Variants in SERPINB8 observed in about 807,000 individuals in gnomAD.
SERPINB8 encodes serpin family B member 8.
A neutral mutation model predicts 35.3 loss-of-function variants in SERPINB8; 25 were observed. The ratio of observed to expected loss-of-function variants is 0.71; its 90% CI spans 0.52 to 0.99. The LOEUF (loss-of-function observed/expected upper bound fraction) is 0.99, where lower values mean the gene tolerates loss of function less well. Ranked by LOEUF, SERPINB8 falls within the 50% of genes least tolerant of loss-of-function variation. SERPINB8 has a pLI of 0.00. For synonymous variants in SERPINB8, 186 were observed against 160.8 expected, an observed-to-expected ratio of 1.16 and a Z score of -1.19; for missense variants, 484 against 446.5, an observed-to-expected ratio of 1.08 and a Z score of -0.76.
chr18:64,018,315 T>C (rs1055715121), intron 7 of SERPINB8, among the ~76,000 whole-genome samples: 11 of 152,314 alleles, frequency 7.2e-5, no homozygotes, highest in African/African-American at 2.6e-4. Flanking sequence ...AGTTATTGCA[T>C]GCAAGTCTCT....
intron 1 of SERPINB8, among the ~76,000 whole-genome samples, chr18:63,974,548 G>A (rs1002648699): frequency 1.3e-5 from 2 of 152,070 alleles, no homozygotes; most frequent in African/African-American, 4.8e-5. Context: ...TGCCTGAAAA[G>A]GAAAAACTAG....
chr18:63,986,613 T>C, intron 6 of SERPINB8: 1 of 1,324,020 alleles, frequency 7.6e-7, no homozygotes, highest in Non-Finnish European at 9.6e-7. Context: ...TGAAAGGAGT[T>C]AGGTACAAAT....
chr18:64,005,110 G>C, exon 2 of SERPINB8: 2 of 347,696 alleles, frequency 5.8e-6, no homozygotes, highest in Admixed American at 9.4e-5. Flanking sequence ...AAAGGATTTG[G>C]TTATGGTAGT....
chr18:63,999,671 T>G (rs1040560614), intron 1 of SERPINB8, among the ~76,000 whole-genome samples: 1 of 152,216 alleles, frequency 6.6e-6, no homozygotes, highest in Non-Finnish European at 1.5e-5. Flanking sequence ...GTATTCTTTC[T>G]TTTCTAAACA....
At chr18:63,986,549 A>G in intron 6 of SERPINB8, 2 of 1,324,438 alleles carry the variant, frequency 1.5e-6, no homozygotes, top group Non-Finnish European at 1.9e-6. Flanking sequence ...CATGAAGATT[A>G]ATGTAATGAA....
At chr18:63,972,825 T>C (rs981933579) in intron 1 of SERPINB8, among the ~76,000 whole-genome samples, 2 of 152,084 alleles carry the variant, frequency 1.3e-5, no homozygotes, top group Admixed American at 6.5e-5. Flanking sequence ...GAACTCATCG[T>C]TTTTTTATGG....
chr18:63,987,217 T>C lies in SERPINB8; in HGVS notation c.1064T>C (p.Phe355Ser). 1 of 1,614,140 alleles carries C rather than the reference T, an allele frequency of 6.2e-7. No individual in the cohort carries two copies. Among genetic ancestry groups the C allele is most frequent in the Non-Finnish European group, 8.5e-7 (1 of 1,180,016 alleles). Residue 355 changes from phenylalanine to serine, a missense_variant, in exon 7 of 7, where the codon TTC (phenylalanine) becomes TCC (serine). Coordinates refer to ENST00000397985, the MANE Select transcript of SERPINB8 (RefSeq NM_002640.4). ...TTCTGTGCAGACCACCCTTTTCTTT[T>C]CTTCATCAGGCACCACAAAACCAAC... ...PRFCADHPFLFFIRHHKTNCI... is the reference protein window; with the variant it reads ...PRFCADHPFLSFIRHHKTNCI...
chr18:63,992,455 G>A (rs574484243), downstream of SERPINB8, among the ~76,000 whole-genome samples: 2 of 152,076 alleles, frequency 1.3e-5, no homozygotes, highest in Admixed American at 6.5e-5. Context: ...TAATACCATC[G>A]CTCTCATTTC....
chr18:63,991,983 A>C (rs181106850), downstream of SERPINB8, among the ~76,000 whole-genome samples: 3 of 151,882 alleles, frequency 2.0e-5, no homozygotes, highest in Non-Finnish European at 4.4e-5. Context: ...ACTGGGAGAA[A>C]CTCCACTTGG....
chr18:63,970,358 G>A, intron 1 of SERPINB8, 188 bp downstream of exon 1: 1 of 175,048 alleles, frequency 5.7e-6, no homozygotes, highest in South Asian at 9.7e-5. Flanking sequence ...AGAGAGTCGC[G>A]GGGCTGTGGG....
chr18:63,980,160 C>T (rs1302388024), intron 3 of SERPINB8, among the ~76,000 whole-genome samples: 1 of 152,098 alleles, frequency 6.6e-6, no homozygotes, highest in Non-Finnish European at 1.5e-5. Context: ...TTCTCCTGCA[C>T]GCAGCCCTGC....
chr18:63,986,330 A>C, intron 6 of SERPINB8: 1 of 1,603,758 alleles, frequency 6.2e-7, no homozygotes, highest in Non-Finnish European at 8.5e-7. Context: ...ATGCTGATGA[A>C]GTCTTCTTGC....
rs769731943 is a variant in SERPINB8 at position 64,018,643 on chromosome 18, C to T, written c.*3-267C>T. On this transcript the variant is annotated intron_variant, in intron 7 of 7. Transcript: ENST00000636430. ...TTACTGTTTTGCAGATAAATTTTAACGACTCTTATGAGGCAGAGGGCAAAT... is the reference window on the plus strand; with the variant it reads ...TTACTGTTTTGCAGATAAATTTTAATGACTCTTATGAGGCAGAGGGCAAAT... Among the ~76,000 whole-genome samples the T allele has an allele frequency of 4.6e-5, 7 of 152,178 alleles. 1 individual carries two copies. Among genetic ancestry groups the T allele is most frequent in the Non-Finnish European group, 4.4e-5 (3 of 67,982 alleles).
chr18:63,987,480 G>A lies in SERPINB8; in HGVS notation c.*202G>A, dbSNP rs1379158506. The A allele has an allele frequency of 1.5e-5, 9 of 589,430 alleles. No homozygotes were observed. The highest frequency in any genetic ancestry group is 2.6e-5 in the Non-Finnish European group (9 of 343,298). 36.5% of individuals were successfully genotyped at this position (589,430 alleles called of 1,614,324 possible). A position where few individuals can be genotyped will look rare whatever the true frequency, so the allele number is the denominator to read the frequency against. On this transcript the variant is annotated 3_prime_UTR_variant, in exon 7 of 7. Coordinates refer to ENST00000397985, the MANE Select transcript of SERPINB8 (RefSeq NM_002640.4). Reference sequence around the variant, plus strand: ...GATGCATGAAATTTGGGCCTGGGAAGGCTATGCTGGTTTTGGAGTGTTTGG... The same window carrying A: ...GATGCATGAAATTTGGGCCTGGGAAAGCTATGCTGGTTTTGGAGTGTTTGG...
At chr18:63,975,318 C>T (rs904252257) in intron 1 of SERPINB8, among the ~76,000 whole-genome samples, 2 of 152,168 alleles carry the variant, frequency 1.3e-5, no homozygotes, top group African/African-American at 4.8e-5. Flanking sequence ...AATATTCCTT[C>T]CTGCCTCCCA....
exon 2 of SERPINB8, chr18:64,005,124 C>T: frequency 3.0e-6 from 1 of 331,644 alleles, no homozygotes; most frequent in Non-Finnish European, 5.4e-6. Context: ...TGGTAGTTAT[C>T]AAGACATTCA....
intron 1 of SERPINB8, among the ~76,000 whole-genome samples, chr18:63,996,420 G>C (rs1346252106): frequency 2.6e-5 from 4 of 152,198 alleles, no homozygotes; most frequent in Non-Finnish European, 4.4e-5. Flanking sequence ...CTTGGTATGG[G>C]ACAGTTGATA....
rs764526390 is a variant in SERPINB8, at chr18:63,986,251, T to C, written c.721-623T>C. ...CCCTTTTTTCTTTCTACCTTATTGA[T>C]AAATAGAAAGAGTGATGGATCTTGA... On this transcript the variant is annotated intron_variant, in intron 6 of 6. Coordinates refer to ENST00000397985, the MANE Select transcript of SERPINB8 (RefSeq NM_002640.4). 3.3e-5 allele frequency: 53 copies of C among 1,609,720 alleles called. No homozygotes were observed. In the Middle Eastern group the frequency reaches 6.6e-4, roughly 20 times the overall value.
chr18:64,015,734 AT>A (rs2050946849), intron 7 of SERPINB8, among the ~76,000 whole-genome samples: 1 of 152,134 alleles, frequency 6.6e-6, no homozygotes, highest in Non-Finnish European at 1.5e-5. Flanking sequence ...AAATACCGCT[AT>A]TTGTCATTTC....
Sources: allele counts gnomAD v4.1 joint callset (sites outside exome capture counted in the v4.1 genomes callset), GRCh38; gene constraint gnomAD v4.1.1; transcripts MANE v1.5; gene names NCBI Gene and HGNC (gene_info 2026-07-23, HGNC 2026-07-21).